The following DLG3 variants were observed in gnomAD, a reference collection of about 807,000 sequenced individuals.
DLG3 encodes the protein disks large homolog 3.
In DLG3, 1 loss-of-function variant was observed where a neutral mutation model predicts 64.1. The ratio of observed to expected loss-of-function variants is 0.02; its 90% CI spans 0.01 to 0.07. The LOEUF is 0.07. Ranked by LOEUF, DLG3 falls within the 10% of genes least tolerant of loss-of-function variation. The probability of loss-of-function intolerance (pLI) is 1.00; values close to 1 mark genes in which losing one functional copy is unlikely to be tolerated. For missense variants in DLG3, 429 were observed against 669.5 expected (o/e 0.64, Z 3.96); for synonymous variants, 245 against 259.8 (o/e 0.94, Z 0.55).
rs139756086 is a variant in DLG3, at chrX:70,498,218, G to A, written c.1820-302G>A. 6.1e-3 allele frequency among the ~76,000 whole-genome samples: 694 copies of A among 112,861 alleles called. 6 individuals are homozygous for A. Among genetic ancestry groups the A allele is most frequent in the African/African-American group, 0.02 (622 of 31,137 alleles). On this transcript the variant is annotated intron_variant, in intron 13 of 18. Coordinates refer to ENST00000374360, the MANE Select transcript of DLG3 (RefSeq NM_021120.4). ...AGCAAGGGGGCTACTGCACACAGCTGACTTGTTACCTACAAGAAGAGTTCC... is the reference window on the plus strand; with the variant it reads ...AGCAAGGGGGCTACTGCACACAGCTAACTTGTTACCTACAAGAAGAGTTCC...
chrX:70,463,797 G>A (rs2147804328), intron 9 of DLG3, among the ~76,000 whole-genome samples: 1 of 111,841 alleles, frequency 8.9e-6, no homozygotes, highest in Admixed American at 9.5e-5. Context: ...ATGGTCACTA[G>A]TGTGTACCTC....
chrX:70,503,944 C>T lies in DLG3; in HGVS notation c.*1675C>T, dbSNP rs1402394691. 1.8e-5 allele frequency: 2 copies of T among 111,379 alleles called. No homozygotes were observed. The highest frequency in any genetic ancestry group is 3.8e-5 in the Non-Finnish European group (2 of 53,055). 9.2% of individuals were successfully genotyped at this position (111,379 alleles called of 1,213,427 possible). On this transcript the variant is annotated 3_prime_UTR_variant, in exon 19 of 19. Transcript: ENST00000374360. ...GAAGTGCTTGGCCCTAGGATTGAGG[C>T]ACTTGTTTCCTAGCCCGCTGGGTTA...
At chrX:70,449,907 G>T in intron 4 of DLG3, 48 bp downstream of exon 4, 1 of 1,151,077 alleles carries the variant, frequency 8.7e-7, no homozygotes, top group East Asian at 3.2e-5. Flanking sequence ...TTAGGCCCCA[G>T]ATCCCATCTT....
intron 11 of DLG3, 72 bp downstream of exon 11, chrX:70,492,355 G>A: frequency 8.5e-7 from 1 of 1,170,567 alleles, no homozygotes; most frequent in Non-Finnish European, 1.2e-6. Flanking sequence ...TTTCCTATTA[G>A]AAGTTGCTTG....
chrX:70,481,297 T>C (rs189196548), intron 10 of DLG3, among the ~76,000 whole-genome samples: 142 of 112,632 alleles, frequency 1.3e-3, no homozygotes, highest in Non-Finnish European at 3.7e-4. Context: ...TTGATACCAA[T>C]AGTCCCTTAA....
At chrX:70,450,580 G>A (rs2086607247) in intron 5 of DLG3, 59 bp from the exon 6 acceptor site, 2 of 1,190,035 alleles carry the variant, frequency 1.7e-6, no homozygotes, top group South Asian at 1.8e-5. Flanking sequence ...CATCCCTCGA[G>A]TTCCCTGGAG....
chrX:70,495,385 G>A (rs749381203), intron 12 of DLG3, 23 bp from the exon 13 acceptor site: 26 of 1,203,236 alleles, frequency 2.2e-5, no homozygotes, highest in African/African-American at 3.6e-5. Flanking sequence ...TCCTCTCTCC[G>A]CCCTTGCTGT....
chrX:70,450,982 A>G (rs2086611047), intron 6 of DLG3, 199 bp downstream of exon 6: 1 of 488,479 alleles, frequency 2.0e-6, no homozygotes, highest in Non-Finnish European at 3.4e-6. Flanking sequence ...AAGACTTGCC[A>G]TAGAGTCAGC....
intron 9 of DLG3, among the ~76,000 whole-genome samples, chrX:70,461,277 T>C: frequency 8.9e-6 from 1 of 112,479 alleles, no homozygotes; most frequent in East Asian, 2.8e-4. Context: ...TGAAGTGGTA[T>C]CTAATTGCGG....
intron 13 of DLG3, among the ~76,000 whole-genome samples, chrX:70,497,548 G>A (rs924053559): frequency 1.8e-5 from 2 of 112,318 alleles, no homozygotes; most frequent in African/African-American, 6.5e-5. Context: ...TTATAGATTT[G>A]CTCAGAGACC....
At chrX:70,500,404 A>G in intron 16 of DLG3, 67 bp from the exon 17 acceptor site, 1 of 939,294 alleles carries the variant, frequency 1.1e-6, no homozygotes, top group Non-Finnish European at 1.5e-6. Flanking sequence ...TTAGAATGTC[A>G]CTGGATTTCT....
Position 70,450,163 on chromosome X carries a change from G to T in DLG3, c.704-6G>T, listed in dbSNP as rs756603402. 1 of 1,208,642 alleles carries T rather than the reference G, an allele frequency of 8.3e-7. No homozygotes were observed. The highest frequency in any genetic ancestry group is 3.0e-5 in the East Asian group (1 of 33,722). On this transcript the variant is annotated splice_polypyrimidine_tract_variant and splice_region_variant and intron_variant, in intron 4 of 18. Transcript: ENST00000374360. ...CCTCTCCCACCTCCTGCTGGCTCCC[G>T]CTCAGGCCTGGGTTTCAGCATTGCT... is the stretch of plus-strand genomic sequence containing the variant.
chrX:70,457,908 C>G (rs2086742031), intron 9 of DLG3, among the ~76,000 whole-genome samples: 1 of 108,902 alleles, frequency 9.2e-6, no homozygotes, highest in Non-Finnish European at 1.9e-5. Context: ...CAGTGTCAGG[C>G]TCTGTTGCCC....
chrX:70,467,262 A>G (rs751412248), intron 9 of DLG3, among the ~76,000 whole-genome samples: 23 of 112,120 alleles, frequency 2.1e-4, no homozygotes, highest in Non-Finnish European at 3.4e-4. Context: ...TTGATTTGTG[A>G]TGTAAAGTAG....
intron 10 of DLG3, among the ~76,000 whole-genome samples, chrX:70,485,941 C>T (rs1439246959): frequency 9.0e-6 from 1 of 111,366 alleles, no homozygotes; most frequent in African/African-American, 3.3e-5. Context: ...TAAAGGTCAC[C>T]TCTTAAACAA....
chrX:70,464,178 T>G (rs963886349), intron 9 of DLG3, among the ~76,000 whole-genome samples: 2 of 100,267 alleles, frequency 2.0e-5, no homozygotes, highest in Non-Finnish European at 4.0e-5. Context: ...ATTTCCTTCC[T>G]TCCTTTTTTC....
chrX:70,482,819 C>G (rs2087187959), intron 10 of DLG3, among the ~76,000 whole-genome samples: 1 of 107,959 alleles, frequency 9.3e-6, no homozygotes, highest in Non-Finnish European at 1.9e-5. Flanking sequence ...AGGCGCCTGC[C>G]ACCACACCCG....
intron 1 of DLG3, among the ~76,000 whole-genome samples, chrX:70,446,465 A>T (rs1486250045): frequency 1.8e-5 from 2 of 111,648 alleles, no homozygotes; most frequent in South Asian, 3.8e-4. Flanking sequence ...AACTGAAGCA[A>T]GCCTCCTCGC....
intron 5 of DLG3, 31 bp downstream of exon 5, chrX:70,450,336 G>T (rs1478918928): frequency 8.6e-7 from 1 of 1,166,227 alleles, no homozygotes; most frequent in Non-Finnish European, 1.1e-6. Flanking sequence ...ATGCCCAAAT[G>T]GTAGGGTAGG....
Sources: gnomAD v4.1 joint callset for allele counts (sites outside exome capture counted in the v4.1 genomes callset) on GRCh38, gnomAD v4.1.1 for gene constraint, MANE v1.5 for transcripts, NCBI Gene and HGNC (gene_info 2026-07-23, HGNC 2026-07-21) for gene names.